Variants in C9orf50 observed in about 807,000 individuals in gnomAD.
C9orf50 encodes chromosome 9 open reading frame 50, also known as uncharacterized protein C9orf50.
Under a neutral mutation model 42.5 loss-of-function variants are expected in C9orf50, and 33 were observed. The observed-to-expected ratio is 0.78, with a 90% confidence interval of 0.59 to 1.04. C9orf50 has a LOEUF of 1.04. Ranked by LOEUF, C9orf50 falls within the 50% of genes least tolerant of loss-of-function variation. The pLI, the probability that C9orf50 is intolerant of heterozygous loss-of-function variation, is 0.00. For missense variants in C9orf50, 547 were observed against 594.3 expected, an observed-to-expected ratio of 0.92 and a Z score of 0.83; for synonymous variants, 257 against 273.4, an observed-to-expected ratio of 0.94 and a Z score of 0.59.
At position 129,613,686 on chromosome 9, in the gene C9orf50, C is replaced by G. The variant is rs955857765; in HGVS notation, c.881-89G>C. 2.0e-6 allele frequency: 3 copies of G among 1,519,186 alleles called. No homozygotes were observed. Among genetic ancestry groups the G allele is most frequent in the Admixed American group, 1.8e-5 (1 of 56,270 alleles). 94.1% of individuals were successfully genotyped at this position (1,519,186 alleles called of 1,614,324 possible). A position where few individuals can be genotyped will look rare whatever the true frequency, so the allele number is the denominator to read the frequency against. ...TTTTCCTCCCTCTGGCAGGCAGGGC[C>G]GGTCAGAGCCCTGTCTCCATGGCAA... On this transcript the variant is annotated intron_variant, in intron 4 of 6. Transcript: ENST00000372478. This position sits in a 1 kb window ranked among gnomAD's most constrained non-coding sequence, Gnocchi z 6.2.
upstream of C9orf50, among the ~76,000 whole-genome samples, chr9:129,621,580 C>T (rs541317959): frequency 6.6e-6 from 1 of 152,296 alleles, no homozygotes; most frequent in South Asian, 2.1e-4. Flanking sequence ...GTTGCACGGG[C>T]TGGTCTTGAA....
intron 4 of C9orf50, among the ~76,000 whole-genome samples, chr9:129,615,169 G>C (rs78418238): frequency 6.6e-6 from 1 of 152,236 alleles, no homozygotes; most frequent in Admixed American, 6.5e-5. Flanking sequence ...AGGGGAGCAA[G>C]TGTGGGCTCT....
intron 3 of C9orf50, among the ~76,000 whole-genome samples, chr9:129,616,545 T>C (rs1357963451): frequency 6.6e-6 from 1 of 152,134 alleles, no homozygotes; most frequent in Non-Finnish European, 1.5e-5. Context: ...TGTAACTGTC[T>C]ATCTCAATCA....
At chr9:129,619,594 C>T in exon 3 of C9orf50, 12 of 1,614,034 alleles carry the variant, frequency 7.4e-6, no homozygotes, top group Non-Finnish European at 1.0e-5. Flanking sequence ...TCTGCTGGAG[C>T]GAAATCTTCG....
chr9:129,620,131 G>A lies in C9orf50; in HGVS notation c.444C>T (p.Pro148=). 1 of 1,458,276 alleles carries A rather than the reference G, an allele frequency of 6.9e-7. No homozygotes were observed. Among genetic ancestry groups the A allele is most frequent in the Non-Finnish European group, 9.1e-7 (1 of 1,103,720 alleles). 90.3% of individuals were successfully genotyped at this position (1,458,276 alleles called of 1,614,324 possible). A position where few individuals can be genotyped will look rare whatever the true frequency, so the allele number is the denominator to read the frequency against. ...GGTGCAGGAACTCACGGAACCTGCT[G>A]GGGAGGAGCTCTCCTAGGAAGGCGC... is the stretch of plus-strand genomic sequence containing the variant. Residue 148 remains proline (P), a synonymous_variant, in exon 1 of 7, where the codon CCC becomes CCT. Coordinates refer to ENST00000372478, the Ensembl canonical transcript of C9orf50. This position sits in a 1 kb window ranked among gnomAD's most constrained non-coding sequence, Gnocchi z 5.8.
Position 129,615,505 on chromosome 9 carries a change from A to G in C9orf50, c.859T>C (p.Tyr287His), listed in dbSNP as rs561500325. 1.3e-5 allele frequency: 21 copies of G among 1,604,206 alleles called. No individual in the cohort carries two copies. The African/African-American group carries it at 2.0e-4, about 15-fold the overall frequency. The change falls in exon 4 of 7, where the codon TAC becomes CAC. Residue 287 changes from tyrosine (Y) to histidine (H), a missense_variant. Tyr to His is a moderately conservative substitution (Grantham distance 83, BLOSUM62 2). This residue lies in a region of C9orf50 where 334 missense variants were observed against 323.7 expected (regional missense o/e 1.03). Coordinates refer to ENST00000372478, the Ensembl canonical transcript of C9orf50. ...TTACCTGAGCGTCTGCGCTCCCAGT[A>G]GCGGAGCGTTGTGTCCTGCAGGGTC... is the stretch of plus-strand genomic sequence containing the variant.
chr9:129,613,606 AAG>A lies in C9orf50; in HGVS notation c.881-11_881-10del. The stretch of plus-strand genomic sequence containing the variant: ...AATGACGCTCTGTTGGACTGCAGGA[AAG>A]AGGGCAGGGTGAGATCTCTGCCCAG... On this transcript the variant is annotated splice_polypyrimidine_tract_variant and intron_variant, in intron 4 of 6. Coordinates refer to ENST00000372478, the Ensembl canonical transcript of C9orf50. This position sits in a 1 kb window ranked among gnomAD's most constrained non-coding sequence, Gnocchi z 6.2. 6.2e-7 allele frequency: 1 copy of A among 1,613,988 alleles called. No homozygotes were observed. The highest frequency in any genetic ancestry group is 1.1e-5 in the South Asian group (1 of 91,080).
chr9:129,612,538 C>T (rs1401589944), intron 6 of C9orf50, 84 bp from the exon 7 acceptor site: 16 of 1,053,920 alleles, frequency 1.5e-5, no homozygotes, highest in African/African-American at 3.2e-5. Flanking sequence ...TGTGCTGAAG[C>T]CCTGTTGGGC....
At position 129,614,942 on chromosome 9, in the gene C9orf50, A is replaced by G. The variant is rs531398067; in HGVS notation, c.880+542T>C. Reference sequence around the variant, plus strand: ...AAAAGAAAACTCACTGGGAACTGCAAAACAGACACCATTACATCCAGGGTC... The same window carrying G: ...AAAAGAAAACTCACTGGGAACTGCAGAACAGACACCATTACATCCAGGGTC... On this transcript the variant is annotated intron_variant, in intron 4 of 6. Transcript: ENST00000372478. The surrounding 1 kb of genome is among the most constrained non-coding windows in gnomAD (Gnocchi z 4.4). Among the ~76,000 whole-genome samples, 1 of 152,036 alleles carries G rather than the reference A, an allele frequency of 6.6e-6. No individual in the cohort carries two copies. The highest frequency in any genetic ancestry group is 1.5e-5 in the Non-Finnish European group (1 of 67,988).
At position 129,620,406 on chromosome 9, in the gene C9orf50, C is replaced by T. The variant is rs1468106513; in HGVS notation, c.169G>A (p.Gly57Ser). The change falls in exon 1 of 7, where the codon GGC becomes AGC. Residue 57 changes from glycine (G) to serine (S), a missense_variant. By Grantham distance (56) the Gly-to-Ser change is moderately conservative. This residue lies in a region of C9orf50 where 105 missense variants were observed against 98.5 expected (regional missense o/e 1.07). Transcript: ENST00000372478. The surrounding 1 kb of genome is among the most constrained non-coding windows in gnomAD (Gnocchi z 5.8). ...CCTTCCGGCCACCACGCGGCGCCGC[C>T]CCCCGGGATCCTCCAGTCCCCGGAG... 2 of 1,237,630 alleles carry T rather than the reference C, an allele frequency of 1.6e-6. No homozygotes were observed. The highest frequency in any genetic ancestry group is 2.0e-6 in the Non-Finnish European group (2 of 991,166). 76.7% of individuals were successfully genotyped at this position (1,237,630 alleles called of 1,614,324 possible).
exon 7 of C9orf50, chr9:129,612,304 T>TC: frequency 1.9e-6 from 3 of 1,539,652 alleles, no homozygotes. Context: ...ACGCTCCTCA[T>TC]TGCCTGGCCC....
Position 129,614,203 on chromosome 9 carries a change from G to C in C9orf50, c.881-606C>G, listed in dbSNP as rs891420082. Among the ~76,000 whole-genome samples the C allele has an allele frequency of 6.6e-6, 1 of 152,160 alleles. No homozygotes were observed. The highest frequency in any genetic ancestry group is 1.9e-4 in the East Asian group (1 of 5,194). On this transcript the variant is annotated intron_variant, in intron 4 of 6. Transcript: ENST00000372478. The surrounding 1 kb of genome is among the most constrained non-coding windows in gnomAD (Gnocchi z 4.4). ...GGCCTTGGATTCCCAAGAGGGGCCC[G>C]GGGTCACTCTGGCTTCTATATGTGG... is the stretch of plus-strand genomic sequence containing the variant.
chr9:129,619,398 A>C, intron 3 of C9orf50, 122 bp downstream of exon 3: 1 of 737,094 alleles, frequency 1.4e-6, no homozygotes, highest in South Asian at 1.7e-5. Flanking sequence ...GCCATATGTA[A>C]GGATGGATGA....
exon 7 of C9orf50, chr9:129,612,311 G>A (rs1205683161): frequency 6.4e-7 from 1 of 1,554,642 alleles, no homozygotes; most frequent in East Asian, 2.3e-5. Flanking sequence ...TCATTGCCTG[G>A]CCCATGTGTG....
rs1333991628 is a variant in C9orf50 at position 129,619,945 on chromosome 9, A to G, written c.509-115T>C. 7.4e-6 allele frequency: 11 copies of G among 1,489,326 alleles called. No homozygotes were observed. The Admixed American group carries it at 9.6e-5, about 13-fold the overall frequency. The allele number at this position is 1,489,326 out of a possible 1,614,324, so 92.3% of individuals were successfully genotyped here. ...AAGGACGGGTTGCGAGGGCTCTGAG[A>G]TACTCAGCTAACATTAGCATCCTTC... On this transcript the variant is annotated intron_variant, in intron 1 of 6. Transcript: ENST00000372478.
upstream of C9orf50, among the ~76,000 whole-genome samples, chr9:129,621,368 G>A (rs972235025): frequency 6.6e-6 from 1 of 152,056 alleles, no homozygotes; most frequent in Admixed American, 6.6e-5. Context: ...AAAGAGATGG[G>A]GTCTTGCTAA....
At position 129,620,310 on chromosome 9, in the gene C9orf50, G is replaced by A. The variant is rs1190559224; in HGVS notation, c.265C>T (p.Arg89Trp). The A allele has an allele frequency of 2.1e-5, 26 of 1,244,002 alleles. No homozygotes were observed. The highest frequency in any genetic ancestry group is 2.6e-5 in the Non-Finnish European group (26 of 991,868). The allele number at this position is 1,244,002 out of a possible 1,614,324, so 77.1% of individuals were successfully genotyped here. ...AGCAGCCCCCGCTTCCGCACGGCCC[G>A]CCGGGTCGCGGTGAGCAAGGCGGGC... The change falls in exon 1 of 7, where the codon CGG becomes TGG. Residue 89 changes from arginine to tryptophan, a missense_variant. Physicochemically the swap from Arg to Trp is moderately radical, Grantham distance 101. Around this residue, in one of 3 missense-constraint regions of C9orf50, gnomAD observed 108 missense variants for 172.1 expected, o/e 0.63. Coordinates refer to ENST00000372478, the Ensembl canonical transcript of C9orf50. This position sits in a 1 kb window ranked among gnomAD's most constrained non-coding sequence, Gnocchi z 5.8.
rs199856660 is a variant in C9orf50, at chr9:129,619,723, A to G, written c.599+17T>C. On this transcript the variant is annotated intron_variant, in intron 2 of 6. Transcript: ENST00000372478. Reference sequence around the variant, plus strand: ...GATGGCAACCCCGTCCCCACCAAGAAGCGGACTGACGCTTACCACAGGTCT... The same window carrying G: ...GATGGCAACCCCGTCCCCACCAAGAGGCGGACTGACGCTTACCACAGGTCT... 1.8e-5 allele frequency: 29 copies of G among 1,613,666 alleles called. No individual in the cohort carries two copies. In the East Asian group the frequency reaches 6.2e-4, roughly 35 times the overall value.
Position 129,614,784 on chromosome 9 carries a change from C to T in C9orf50, c.880+700G>A, listed in dbSNP as rs544860982. Among the ~76,000 whole-genome samples, 2 of 152,212 alleles carry T rather than the reference C, an allele frequency of 1.3e-5. No individual in the cohort carries two copies. The highest frequency in any genetic ancestry group is 6.5e-5 in the Admixed American group (1 of 15,288). The stretch of plus-strand genomic sequence containing the variant: ...AGGGGCGGTGGCGCATGCCTGTAAT[C>T]CCAGGTACTCAGGAGGCTGAGGCAG... On this transcript the variant is annotated intron_variant, in intron 4 of 6. Transcript: ENST00000372478. The surrounding 1 kb of genome is among the most constrained non-coding windows in gnomAD (Gnocchi z 4.4).
Sources: gnomAD v4.1 joint callset for allele counts (sites outside exome capture counted in the v4.1 genomes callset) on GRCh38, gnomAD v4.1.1 for gene constraint, gnomAD v4.1.1 regional missense constraint, Gnocchi (gnomAD v3.1) non-coding constraint, MANE v1.5 for transcripts, NCBI Gene and HGNC (gene_info 2026-07-23, HGNC 2026-07-21) for gene names.